Variants in TRAPPC9 observed in about 807,000 individuals in gnomAD.
The protein encoded by TRAPPC9 is trafficking protein particle complex subunit 9.
TRAPPC9 carries 83 observed loss-of-function variants against 124.0 expected under a neutral mutation model. The observed-to-expected ratio is 0.67, with a 90% CI of 0.56 to 0.80. TRAPPC9 has a LOEUF of 0.80. Ranked by LOEUF, TRAPPC9 falls within the 30% of genes least tolerant of loss-of-function variation. The pLI is 0.00. For missense variants in TRAPPC9, 1,302 were observed against 1,508.3 expected, an observed-to-expected ratio of 0.86 and a Z score of 2.27; for synonymous variants, 638 against 617.5, an observed-to-expected ratio of 1.03 and a Z score of -0.49.
chr8:140,149,736 C>T (rs575876724), intron 17 of TRAPPC9, among the ~76,000 whole-genome samples: 18 of 152,204 alleles, frequency 1.2e-4, no homozygotes, highest in Middle Eastern at 3.4e-3. Context: ...CTCGAATGTA[C>T]GTGAGTCATC....
chr8:140,283,967 G>C lies in TRAPPC9; in HGVS notation c.2036C>G (p.Pro679Arg). 6.2e-7 allele frequency: 1 copy of C among 1,614,144 alleles called. No homozygotes were observed. The highest frequency in any genetic ancestry group is 8.5e-7 in the Non-Finnish European group (1 of 1,180,022). The change falls in exon 14 of 23, where the codon CCG becomes CGG. Residue 679 changes from proline (P) to arginine (R), a missense_variant. Coordinates refer to ENST00000438773, the MANE Select transcript of TRAPPC9 (RefSeq NM_001160372.4). ...VFSDCLLDNL[P>R]GIKTSGSTVE... is the part of the protein sequence containing the mutation. ...TGTGGAGCCACTGGTTTTTATTCCC[G>C]GCAGGTTATCCAGCAAACAGTCACT...
In TRAPPC9 at chr8:139,813,613, C is replaced by A. The variant is rs192565314; in HGVS notation, c.3055+72266G>T. Among the ~76,000 whole-genome samples the A allele has an allele frequency of 3.6e-3, 550 of 152,374 alleles. 3 individuals carry two copies. The highest frequency in any genetic ancestry group is 5.7e-3 in the Non-Finnish European group (387 of 68,026). ...GAGAGGCAAACAGCTCACCATGAGGCCTGAAGAGCTGCCTCTGGGCCCAGC... is the reference window on the plus strand; with the variant it reads ...GAGAGGCAAACAGCTCACCATGAGGACTGAAGAGCTGCCTCTGGGCCCAGC... On this transcript the variant is annotated intron_variant, in intron 21 of 22. Transcript: ENST00000438773.
chr8:139,993,053 T>A (rs976725286), intron 18 of TRAPPC9, among the ~76,000 whole-genome samples: 3 of 152,146 alleles, frequency 2.0e-5, no homozygotes, highest in African/African-American at 7.2e-5. Context: ...ATAAAATGTT[T>A]GGCTGCATTA....
At chr8:140,175,897 C>G (rs2062059121) in intron 17 of TRAPPC9, among the ~76,000 whole-genome samples, 1 of 152,240 alleles carries the variant, frequency 6.6e-6, no homozygotes, top group Non-Finnish European at 1.5e-5. Context: ...TTGAAGCCAT[C>G]CTACTGAACA....
chr8:140,176,483 G>A (rs986103776), intron 17 of TRAPPC9, among the ~76,000 whole-genome samples: 1 of 152,176 alleles, frequency 6.6e-6, no homozygotes, highest in African/African-American at 2.4e-5. Flanking sequence ...TCTGTGTGTT[G>A]GGCATACCGG....
At chr8:140,121,965 T>C (rs1299724577) in intron 17 of TRAPPC9, among the ~76,000 whole-genome samples, 1 of 151,942 alleles carries the variant, frequency 6.6e-6, no homozygotes, top group Non-Finnish European at 1.5e-5. Context: ...TCATCTATGA[T>C]TACATTACAT....
At chr8:139,980,142 C>T (rs1371436050) in intron 19 of TRAPPC9, among the ~76,000 whole-genome samples, 2 of 152,166 alleles carry the variant, frequency 1.3e-5, no homozygotes, top group African/African-American at 4.8e-5. Flanking sequence ...ACTTCTCTAA[C>T]AAGATGCCAA....
rs144506734 is a variant in TRAPPC9 at position 140,086,026 on chromosome 8, A to C, written c.2557-61947T>G. ...GACTTGCACACACAACTCTAAGAAG[A>C]CTTCTCCATTTTCTAACTATGACTT... On this transcript the variant is annotated intron_variant, in intron 17 of 22. Coordinates refer to ENST00000438773, the MANE Select transcript of TRAPPC9 (RefSeq NM_001160372.4). 2.7e-3 allele frequency among the ~76,000 whole-genome samples: 415 copies of C among 152,192 alleles called. 4 individuals are homozygous for C. In the East Asian group the frequency reaches 0.029, roughly 11 times the overall value.
At chr8:139,796,058 GAGGAA>G in intron 21 of TRAPPC9, among the ~76,000 whole-genome samples, 7 of 138,874 alleles carry the variant, frequency 5.0e-5, no homozygotes, top group African/African-American at 2.2e-4. Context: ...GGAGGAGGAA[GAGGAA>G]GAAGAGGAGG....
At chr8:140,322,063 G>A (rs1397060168) in intron 9 of TRAPPC9, among the ~76,000 whole-genome samples, 2 of 152,188 alleles carry the variant, frequency 1.3e-5, no homozygotes, top group Non-Finnish European at 2.9e-5. Context: ...CTGAGTGCAA[G>A]GCAGTACCCT....
intron 9 of TRAPPC9, among the ~76,000 whole-genome samples, chr8:140,318,334 T>C (rs2066494713): frequency 6.6e-6 from 1 of 152,244 alleles, no homozygotes; most frequent in African/African-American, 2.4e-5. Flanking sequence ...GAAATCAAGC[T>C]AACATGTCCA....
chr8:140,180,169 T>C (rs996823544), intron 17 of TRAPPC9, among the ~76,000 whole-genome samples: 10 of 151,840 alleles, frequency 6.6e-5, no homozygotes, highest in Non-Finnish European at 1.3e-4. Flanking sequence ...TATTTTATAA[T>C]TGAATTTTTT....
chr8:140,349,357 G>GGCACACAGGGGGGCC, intron 9 of TRAPPC9, among the ~76,000 whole-genome samples: 1 of 97,278 alleles, frequency 1.0e-5, no homozygotes, highest in Non-Finnish European at 2.3e-5. Flanking sequence ...GGCGCGCGAG[G>GGCACACAGGGGGGCC]GAAGGGCGCG....
At chr8:140,242,333 T>C (rs1190419831) in intron 16 of TRAPPC9, among the ~76,000 whole-genome samples, 1 of 152,140 alleles carries the variant, frequency 6.6e-6, no homozygotes, top group Non-Finnish European at 1.5e-5. Flanking sequence ...GTGTTTGGCA[T>C]GTGTACCAAG....
chr8:140,216,420 T>C lies in TRAPPC9; in HGVS notation c.2556+5039A>G, dbSNP rs1395119271. Among the ~76,000 whole-genome samples the C allele has an allele frequency of 6.6e-6, 1 of 152,120 alleles. No homozygotes were observed. Among genetic ancestry groups the C allele is most frequent in the Non-Finnish European group, 1.5e-5 (1 of 68,030 alleles). On this transcript the variant is annotated intron_variant, in intron 17 of 22. Coordinates refer to ENST00000438773, the MANE Select transcript of TRAPPC9 (RefSeq NM_001160372.4). The surrounding 1 kb of genome is among the most constrained non-coding windows in gnomAD (Gnocchi z 4.1). ...AAGACCCAACCAAGTGTGAAGAGCA[T>C]CTCCTAGATTTTGAAATGTTACCCT...
intron 17 of TRAPPC9, among the ~76,000 whole-genome samples, chr8:140,169,758 C>G (rs1204902801): frequency 1.3e-5 from 2 of 151,900 alleles, no homozygotes; most frequent in African/African-American, 2.4e-5. Context: ...GAGCCGGGGT[C>G]GGGAGGAGGA....
intron 9 of TRAPPC9, among the ~76,000 whole-genome samples, chr8:140,345,719 T>A (rs1280171652): frequency 6.6e-6 from 1 of 152,000 alleles, no homozygotes; most frequent in Non-Finnish European, 1.5e-5. Flanking sequence ...ACTCACTCCA[T>A]ATGAGAAGGT....
chr8:140,232,137 C>T (rs1253959799), intron 16 of TRAPPC9, among the ~76,000 whole-genome samples: 1 of 151,906 alleles, frequency 6.6e-6, no homozygotes, highest in Admixed American at 6.6e-5. Context: ...AGGCTGGTCT[C>T]AAACTCCTAG....
intron 19 of TRAPPC9, among the ~76,000 whole-genome samples, chr8:139,971,830 C>A (rs930228800): frequency 2.7e-5 from 4 of 149,854 alleles, no homozygotes; most frequent in Non-Finnish European, 5.9e-5. Flanking sequence ...CACACACACA[C>A]AATTTTTTTT....
Sources: gnomAD v4.1 joint callset for allele counts (sites outside exome capture counted in the v4.1 genomes callset) on GRCh38, gnomAD v4.1.1 for gene constraint, Gnocchi (gnomAD v3.1) non-coding constraint, MANE v1.5 for transcripts, NCBI Gene and HGNC (gene_info 2026-07-23, HGNC 2026-07-21) for gene names.